Variants in EXTL3 observed in about 807,000 individuals in gnomAD.
The protein encoded by EXTL3 is exostosin-like 3.
EXTL3 carries 27 observed loss-of-function variants against 69.3 expected under a neutral mutation model. The ratio of observed to expected loss-of-function variants is 0.39; its 90% confidence interval spans 0.29 to 0.54. The LOEUF (loss-of-function observed/expected upper bound fraction) is 0.54. EXTL3 is among the 20% of genes least tolerant of loss of function. The pLI, the probability that EXTL3 is intolerant of heterozygous loss-of-function variation, is 0.69. For synonymous variants in EXTL3, 511 were observed against 499.4 expected (o/e 1.02, Z -0.31); for missense variants, 1,003 against 1,231.8 (o/e 0.81, Z 2.78).
chr8:28,713,903 C>CTTTTTTTTTTTTT (rs55737430), intron 2 of EXTL3, among the ~76,000 whole-genome samples: 32 of 113,744 alleles, frequency 2.8e-4, no homozygotes, highest in Non-Finnish European at 2.9e-4. Context: ...TTCTTTCTTT[C>CTTTTTTTTTTTTT]TTTTTTTTTT....
chr8:28,650,993 TTTC>T (rs1255797289), intron 1 of EXTL3, among the ~76,000 whole-genome samples: 1 of 152,156 alleles, frequency 6.6e-6, no homozygotes, highest in Non-Finnish European at 1.5e-5. Flanking sequence ...ACCAGAAGTG[TTTC>T]AAATTTTCTT....
downstream of EXTL3, chr8:28,755,736 A>G (rs1802109016): frequency 6.6e-6 from 1 of 152,158 alleles, no homozygotes; most frequent in Admixed American, 6.5e-5. Context: ...GGCAACAAGA[A>G]ACTCCGTCTC....
At chr8:28,624,366 C>T (rs1806460212) in intron 1 of EXTL3, among the ~76,000 whole-genome samples, 1 of 152,066 alleles carries the variant, frequency 6.6e-6, no homozygotes, top group Admixed American at 6.6e-5. Context: ...GAGTTCAAGA[C>T]CATGCTGGGC....
chr8:28,748,011 A>T (rs1801925147), intron 6 of EXTL3, among the ~76,000 whole-genome samples: 1 of 152,162 alleles, frequency 6.6e-6, no homozygotes, highest in Non-Finnish European at 1.5e-5. Flanking sequence ...TACAGGTGGG[A>T]ACCACCACAT....
chr8:28,710,715 A>T (rs1801015802), intron 1 of EXTL3, among the ~76,000 whole-genome samples: 1 of 144,896 alleles, frequency 6.9e-6, no homozygotes, highest in Non-Finnish European at 1.5e-5. Context: ...TGGCTAATTT[A>T]AATTTTTTTT....
At position 28,721,613 on chromosome 8, in the gene EXTL3, G is replaced by C. The variant is rs182645485; in HGVS notation, c.2148+3406G>C. 8.5e-5 allele frequency among the ~76,000 whole-genome samples: 13 copies of C among 152,128 alleles called. No individual in the cohort carries two copies. The East Asian group carries it at 2.5e-3, about 29-fold the overall frequency. ...AGTGCCTTCTGGAAATTCTTTTTTT[G>C]GTATTTTTGTGCAGAGGTTATAGTT... On this transcript the variant is annotated intron_variant, in intron 3 of 6. Transcript: ENST00000220562.
intron 1 of EXTL3, among the ~76,000 whole-genome samples, chr8:28,707,136 A>G (rs1800940882): frequency 6.6e-6 from 1 of 152,238 alleles, no homozygotes; most frequent in Non-Finnish European, 1.5e-5. Flanking sequence ...CTTTAAAAAG[A>G]TTGCAACAAG....
upstream of EXTL3, chr8:28,697,866 G>A (rs972071732): frequency 6.6e-6 from 1 of 151,058 alleles, no homozygotes; most frequent in Non-Finnish European, 1.5e-5. Context: ...ATACATGACT[G>A]TTAAACAACA....
rs1801981662 is a variant in EXTL3, at chr8:28,750,568, T to C, written c.2551-89T>C. The stretch of plus-strand genomic sequence containing the variant: ...CCTGAGGGGATCAGCGTCTTCACCA[T>C]GGACATGGGAGTGTGGGATCGGCTC... On this transcript the variant is annotated intron_variant, in intron 6 of 6. Coordinates refer to ENST00000220562, the MANE Select transcript of EXTL3 (RefSeq NM_001440.4). The surrounding 1 kb of genome is among the most constrained non-coding windows in gnomAD (Gnocchi z 5.2). The C allele has an allele frequency of 1.8e-6, 2 of 1,094,942 alleles. No homozygotes were observed. Among genetic ancestry groups the C allele is most frequent in the South Asian group, 1.3e-5 (1 of 79,020 alleles). The allele number at this position is 1,094,942 out of a possible 1,614,324, so 67.8% of individuals were successfully genotyped here.
Position 28,716,218 on chromosome 8 carries a change from T to C in EXTL3, c.159T>C (p.Thr53=). ...TCATCGCCCACTATTACCTCACCACTCTGGATGAGGCTGATGAGGCAGGCA... is the reference window on the plus strand; with the variant it reads ...TCATCGCCCACTATTACCTCACCACCCTGGATGAGGCTGATGAGGCAGGCA... ...FPLIAHYYLT[T]LDEADEAGKR... Residue 53 remains threonine (T), a synonymous_variant, in exon 3 of 7, where the codon ACT becomes ACC. Transcript: ENST00000220562. The surrounding 1 kb of genome is among the most constrained non-coding windows in gnomAD (Gnocchi z 7.1). 1 of 1,614,130 alleles carries C rather than the reference T, an allele frequency of 6.2e-7. No individual in the cohort carries two copies. Among genetic ancestry groups the C allele is most frequent in the Non-Finnish European group, 8.5e-7 (1 of 1,180,026 alleles).
chr8:28,689,997 C>T (rs1800587181), intron 1 of EXTL3, among the ~76,000 whole-genome samples: 1 of 152,098 alleles, frequency 6.6e-6, no homozygotes, highest in African/African-American at 2.4e-5. Flanking sequence ...CCAACTCAGC[C>T]ATAAATACAG....
intron 6 of EXTL3, among the ~76,000 whole-genome samples, chr8:28,744,708 C>G (rs1482686837): frequency 6.6e-6 from 1 of 151,904 alleles, no homozygotes; most frequent in Non-Finnish European, 1.5e-5. Context: ...GCAGGAGAAT[C>G]ACTTGAACCT....
At chr8:28,614,963 C>T (rs2130534271) in intron 2 of EXTL3, among the ~76,000 whole-genome samples, 1 of 152,030 alleles carries the variant, frequency 6.6e-6, no homozygotes, top group East Asian at 1.9e-4. Flanking sequence ...AGGTATAAAG[C>T]CCAGCATCCA....
chr8:28,715,068 T>C (rs1245551837), intron 2 of EXTL3, among the ~76,000 whole-genome samples: 1 of 152,234 alleles, frequency 6.6e-6, no homozygotes, highest in African/African-American at 2.4e-5. Context: ...TACTACTGGA[T>C]AAAGATCAAA....
intron 1 of EXTL3, among the ~76,000 whole-genome samples, chr8:28,634,597 CTT>C (rs1310592146): frequency 1.5e-4 from 20 of 136,112 alleles, no homozygotes; most frequent in Middle Eastern, 3.8e-3. Flanking sequence ...ACCACATCTG[CTT>C]TTTTTTTTTT....
At chr8:28,748,916 C>T (rs891059968) in intron 6 of EXTL3, among the ~76,000 whole-genome samples, 5 of 152,020 alleles carry the variant, frequency 3.3e-5, no homozygotes, top group Non-Finnish European at 5.9e-5. Flanking sequence ...CCAGACCAGC[C>T]TGGGCAATAT....
chr8:28,751,945 C>A lies in EXTL3; in HGVS notation c.*1079C>A, dbSNP rs1433703616. 1 of 152,412 alleles carries A rather than the reference C, an allele frequency of 6.6e-6. No homozygotes were observed. 9.4% of individuals were successfully genotyped at this position (152,412 alleles called of 1,614,324 possible). ...TCCTTCGAGGAACCCACCCGGCTGG[C>A]CGGGAAGTTTTACAGCAAGGCGCCT... On this transcript the variant is annotated 3_prime_UTR_variant, in exon 7 of 7. Coordinates refer to ENST00000220562, the MANE Select transcript of EXTL3 (RefSeq NM_001440.4).
intron 1 of EXTL3, among the ~76,000 whole-genome samples, chr8:28,641,767 C>T (rs1436722771): frequency 2.6e-4 from 39 of 151,942 alleles, no homozygotes; most frequent in Admixed American, 2.4e-3. Context: ...ACTGGGATTA[C>T]AGGTGTGAGC....
At chr8:28,658,895 T>C (rs1185675598) in intron 1 of EXTL3, among the ~76,000 whole-genome samples, 1 of 152,238 alleles carries the variant, frequency 6.6e-6, no homozygotes. Context: ...TCATGCACTT[T>C]TATACCTTCG....
Sources: allele counts gnomAD v4.1 joint callset (sites outside exome capture counted in the v4.1 genomes callset), GRCh38; gene constraint gnomAD v4.1.1; non-coding constraint Gnocchi (gnomAD v3.1); transcripts MANE v1.5; gene names NCBI Gene and HGNC (gene_info 2026-07-23, HGNC 2026-07-21).